Variants in BRF1 observed in about 807,000 individuals in gnomAD.
The protein encoded by BRF1 is BRF1 general transcription factor IIIB subunit, also known as transcription factor IIIB 90 kDa subunit.
In BRF1, 59 loss-of-function variants were observed where a neutral mutation model predicts 81.7. That is an observed-to-expected ratio of 0.72 (90% CI 0.59 to 0.90). The LOEUF (loss-of-function observed/expected upper bound fraction) is 0.90. BRF1 is among the 40% of genes least tolerant of loss of function. The pLI is 0.00. For missense variants in BRF1, 1,050 were observed against 936.3 expected, an observed-to-expected ratio of 1.12 and a Z score of -1.58; for synonymous variants, 491 against 395.6, an observed-to-expected ratio of 1.24 and a Z score of -2.86.
chr14:105,304,763 C>CA (rs768187096), upstream of BRF1, among the ~76,000 whole-genome samples: 2 of 152,254 alleles, frequency 1.3e-5, no homozygotes, highest in Admixed American at 6.5e-5. Flanking sequence ...CAAGGAGGAG[C>CA]AAGTCACGTC....
intron 4 of BRF1, 131 bp from the exon 5 acceptor site, chr14:105,252,710 C>T (rs898434564): frequency 1.2e-5 from 12 of 973,690 alleles, no homozygotes; most frequent in African/African-American, 1.7e-5. Context: ...ACCCCACACC[C>T]GCAAGCCTGG....
intron 5 of BRF1, among the ~76,000 whole-genome samples, chr14:105,251,516 G>C (rs1338735494): frequency 6.6e-6 from 1 of 152,196 alleles, no homozygotes; most frequent in Non-Finnish European, 1.5e-5. Flanking sequence ...ATACCCTGTA[G>C]GCAGTTGTTT....
rs142509587 is a variant in BRF1, at chr14:105,287,356, C to A, written c.185-980G>T. Among the ~76,000 whole-genome samples, 133 of 152,294 alleles carry A rather than the reference C, an allele frequency of 8.7e-4. 3 individuals are homozygous for A. The East Asian group carries it at 0.02, about 23-fold the overall frequency. On this transcript the variant is annotated intron_variant, in intron 1 of 17. Coordinates refer to ENST00000547530, the MANE Select transcript of BRF1 (RefSeq NM_001519.4). ...CAAACGCTGCGGCCTGATCTTCCAACGAGAACAGTAAGGTGAGGCCCCAGG... is the reference window on the plus strand; with the variant it reads ...CAAACGCTGCGGCCTGATCTTCCAAAGAGAACAGTAAGGTGAGGCCCCAGG...
intron 9 of BRF1, 38 bp downstream of exon 9, chr14:105,226,213 C>T (rs377732515): frequency 2.6e-4 from 414 of 1,614,038 alleles, no homozygotes; most frequent in Non-Finnish European, 3.4e-4. Flanking sequence ...ATTTTCCCAA[C>T]AAAACAGAAG....
intron 5 of BRF1, chr14:105,249,612 C>A: frequency 6.3e-7 from 1 of 1,591,254 alleles, no homozygotes; most frequent in Non-Finnish European, 8.6e-7. Flanking sequence ...TGGGAGCCAG[C>A]CCCTGACGCG....
At chr14:105,216,252 C>T (rs948565124) in intron 15 of BRF1, among the ~76,000 whole-genome samples, 1 of 152,232 alleles carries the variant, frequency 6.6e-6, no homozygotes. Context: ...TGTCACCAGG[C>T]ACCAGAATCA....
intron 15 of BRF1, among the ~76,000 whole-genome samples, chr14:105,215,158 T>G (rs1890888829): frequency 6.6e-6 from 1 of 152,170 alleles, no homozygotes; most frequent in African/African-American, 2.4e-5. Context: ...CGCAGATGTG[T>G]GTGCACACAG....
In BRF1 at chr14:105,309,594, G is replaced by A. The variant is rs1302694897; in HGVS notation, c.-162+5728C>T. ...TGAGCCCAGGCAAATCTCCCAAGAC[G>A]CTGCCAAGCCACTCTGCAGAGCTGC... On this transcript the variant is annotated intron_variant, in intron 1 of 17. Transcript: ENST00000327359. The surrounding 1 kb of genome is among the most constrained non-coding windows in gnomAD (Gnocchi z 4.0). Among the ~76,000 whole-genome samples, 1 of 152,100 alleles carries A rather than the reference G, an allele frequency of 6.6e-6. No homozygotes were observed. The highest frequency in any genetic ancestry group is 1.5e-5 in the Non-Finnish European group (1 of 67,998).
At chr14:105,252,447 T>TG (rs2055665846) in intron 5 of BRF1, 60 bp downstream of exon 5, 1 of 1,581,920 alleles carries the variant, frequency 6.3e-7, no homozygotes, top group African/African-American at 1.4e-5. Flanking sequence ...AAAGGACATT[T>TG]GGCACGCTGG....
rs587700360 is a variant in BRF1 at position 105,284,930 on chromosome 14, A to G, written c.265+1366T>C. 6.6e-6 allele frequency among the ~76,000 whole-genome samples: 1 copy of G among 152,364 alleles called. No individual in the cohort carries two copies. The highest frequency in any genetic ancestry group is 6.5e-5 in the Admixed American group (1 of 15,302). ...AGCCAGGCTGCAAGATACAAGATCAATACATATCAACTGAGACTAAATTCG... is the reference window on the plus strand; with the variant it reads ...AGCCAGGCTGCAAGATACAAGATCAGTACATATCAACTGAGACTAAATTCG... On this transcript the variant is annotated intron_variant, in intron 2 of 17. Transcript: ENST00000547530. This position sits in a 1 kb window ranked among gnomAD's most constrained non-coding sequence, Gnocchi z 4.0.
intron 1 of BRF1, among the ~76,000 whole-genome samples, chr14:105,295,278 G>A (rs923508621): frequency 7.9e-6 from 1 of 126,726 alleles, no homozygotes; most frequent in African/African-American, 3.2e-5. Flanking sequence ...ACCAGCCTGA[G>A]CAGCAAAGCA....
chr14:105,250,962 T>G lies in BRF1; in HGVS notation c.544+1545A>C, dbSNP rs1566837339. 10 of 398,566 alleles carry G rather than the reference T, an allele frequency of 2.5e-5. 1 individual carries two copies. Among genetic ancestry groups the G allele is most frequent in the Middle Eastern group, 7.0e-4 (1 of 1,426 alleles). 24.7% of individuals were successfully genotyped at this position (398,566 alleles called of 1,614,324 possible). A position where few individuals can be genotyped will look rare whatever the true frequency, so the allele number is the denominator to read the frequency against. On this transcript the variant is annotated intron_variant, in intron 5 of 17. Transcript: ENST00000547530. ...ACCCATGCCACCTGCTTTGAGGGGTTGGATCTTCCTGCTACCCTCTTGGAT... is the reference window on the plus strand; with the variant it reads ...ACCCATGCCACCTGCTTTGAGGGGTGGGATCTTCCTGCTACCCTCTTGGAT...
intron 5 of BRF1, chr14:105,248,244 A>C: frequency 2.0e-6 from 2 of 985,426 alleles, no homozygotes; most frequent in South Asian, 9.4e-5. Flanking sequence ...CGACCATCCC[A>C]CAGGCCGCGG....
intron 5 of BRF1, chr14:105,247,199 T>C (rs1288846325): frequency 1.4e-5 from 14 of 985,300 alleles, no homozygotes; most frequent in Non-Finnish European, 1.7e-5. Context: ...GGCGGGTGCA[T>C]CCACACACTT....
chr14:105,314,402 C>G (rs951976072), intron 1 of BRF1: 3 of 150,598 alleles, frequency 2.0e-5, no homozygotes, highest in African/African-American at 7.3e-5. Context: ...GCGCCTGAAG[C>G]TGGCCGGGAC....
chr14:105,293,174 G>C (rs1332366376), intron 1 of BRF1, among the ~76,000 whole-genome samples: 1 of 152,202 alleles, frequency 6.6e-6, no homozygotes, highest in East Asian at 1.9e-4. Flanking sequence ...AGAACCCCAG[G>C]CCGCAGGGAG....
At chr14:105,217,231 A>G in intron 15 of BRF1, 1 of 491,978 alleles carries the variant, frequency 2.0e-6, no homozygotes, top group East Asian at 3.4e-5. Context: ...CTTCTTCCCG[A>G]ACCCAGGCTG....
chr14:105,283,243 C>T (rs2057183539), intron 2 of BRF1, among the ~76,000 whole-genome samples: 1 of 152,212 alleles, frequency 6.6e-6, no homozygotes, highest in African/African-American at 2.4e-5. Context: ...AGGGGCTGGA[C>T]CAATGGCCTC....
intron 1 of BRF1, among the ~76,000 whole-genome samples, chr14:105,297,804 G>A (rs1036188213): frequency 1.3e-5 from 2 of 151,946 alleles, no homozygotes; most frequent in Non-Finnish European, 2.9e-5. Context: ...AAACCATCCC[G>A]GCTAACACGG....
Sources: allele counts gnomAD v4.1 joint callset (sites outside exome capture counted in the v4.1 genomes callset), GRCh38; gene constraint gnomAD v4.1.1; non-coding constraint Gnocchi (gnomAD v3.1); transcripts MANE v1.5; gene names NCBI Gene and HGNC (gene_info 2026-07-23, HGNC 2026-07-21).